The following PRKG1 variants were observed in gnomAD, a reference collection of about 807,000 sequenced individuals.
PRKG1 encodes the protein protein kinase cGMP-dependent 1, also known as cGMP-dependent protein kinase 1.
Under a neutral mutation model 88.1 loss-of-function variants are expected in PRKG1, and 35 were observed. That is an observed-to-expected ratio of 0.40 (90% CI 0.30 to 0.53). The LOEUF is 0.53. PRKG1 is among the 20% of genes least tolerant of loss of function. The pLI is 0.59. For synonymous variants in PRKG1, 303 were observed against 292.5 expected (o/e 1.04, Z -0.37); for missense variants, 540 against 839.8 (o/e 0.64, Z 4.41).
chr10:51,234,715 C>A (rs1461436683), intron 2 of PRKG1, among the ~76,000 whole-genome samples: 1 of 152,066 alleles, frequency 6.6e-6, no homozygotes, highest in Non-Finnish European at 1.5e-5. Flanking sequence ...TATTTTGCAT[C>A]CTTTTTTTGT....
intron 4 of PRKG1, among the ~76,000 whole-genome samples, chr10:51,885,886 C>T (rs1423456985): frequency 6.6e-6 from 1 of 152,160 alleles, no homozygotes; most frequent in African/African-American, 2.4e-5. Flanking sequence ...TTATCTATTA[C>T]TTATGCATTC....
intron 2 of PRKG1, among the ~76,000 whole-genome samples, chr10:51,438,584 A>T (rs950493511): frequency 6.6e-6 from 1 of 151,896 alleles, no homozygotes; most frequent in South Asian, 2.1e-4. Context: ...TTATTTTTGA[A>T]GAGAGACCAC....
chr10:52,009,808 T>C (rs973686580), intron 5 of PRKG1, among the ~76,000 whole-genome samples: 2 of 152,164 alleles, frequency 1.3e-5, no homozygotes, highest in Admixed American at 1.3e-4. Flanking sequence ...AGCATAGTAC[T>C]GGTTCATAAA....
At chr10:51,460,993 A>G (rs293290) in intron 2 of PRKG1, among the ~76,000 whole-genome samples, 84,442 of 151,982 alleles carry the variant, frequency 0.56, 24,824 homozygotes, top group African/African-American at 0.74. Flanking sequence ...TGATAAGTAT[A>G]TTGACTCTTT....
chr10:51,206,001 A>G (rs947852615), intron 2 of PRKG1, among the ~76,000 whole-genome samples: 1 of 152,152 alleles, frequency 6.6e-6, no homozygotes, highest in African/African-American at 2.4e-5. Context: ...TCTGCCTGTA[A>G]TGAAATTACA....
At chr10:51,826,420 A>G (rs1839883077) in intron 4 of PRKG1, among the ~76,000 whole-genome samples, 1 of 152,192 alleles carries the variant, frequency 6.6e-6, no homozygotes, top group Non-Finnish European at 1.5e-5. Flanking sequence ...AGAATCTTTC[A>G]CTTAAATGTA....
chr10:51,058,975 C>T (rs190066026), intron 1 of PRKG1, among the ~76,000 whole-genome samples: 15 of 152,222 alleles, frequency 9.9e-5, no homozygotes, highest in Non-Finnish European at 1.5e-4. Context: ...AGGTTTATTT[C>T]GGAGCTCTCC....
chr10:51,281,925 C>T (rs1240491187), intron 2 of PRKG1, among the ~76,000 whole-genome samples: 2 of 152,210 alleles, frequency 1.3e-5, no homozygotes, highest in Non-Finnish European at 1.5e-5. Flanking sequence ...CTGAGCCCAT[C>T]TCAGACTAAT....
intron 3 of PRKG1, among the ~76,000 whole-genome samples, chr10:51,597,590 GTT>G (rs1216663851): frequency 1.3e-5 from 2 of 152,052 alleles, no homozygotes; most frequent in Non-Finnish European, 2.9e-5. Context: ...TCATTTGTCA[GTT>G]TTTCCAGTGA....
chr10:51,138,675 G>GTTTTTTTTTTTT (rs71459405), intron 1 of PRKG1, among the ~76,000 whole-genome samples: 2 of 68,532 alleles, frequency 2.9e-5, no homozygotes, highest in African/African-American at 5.7e-5. Flanking sequence ...ATTGAGTTTT[G>GTTTTTTTTTTTT]TTTTTTTTTT....
chr10:52,191,248 G>C (rs1368199504), intron 9 of PRKG1, among the ~76,000 whole-genome samples: 2 of 152,048 alleles, frequency 1.3e-5, no homozygotes, highest in African/African-American at 4.8e-5. Context: ...GACCTACTGG[G>C]CTCAAGGTAT....
chr10:52,000,819 T>C (rs1210048556), intron 5 of PRKG1, among the ~76,000 whole-genome samples: 3 of 152,094 alleles, frequency 2.0e-5, no homozygotes, highest in African/African-American at 4.8e-5. Flanking sequence ...AAATGAAATT[T>C]GTCTTCCAGC....
Position 52,293,945 on chromosome 10 carries a change from C to G in PRKG1, c.*45C>G, listed in dbSNP as rs1418610239. The stretch of plus-strand genomic sequence containing the variant: ...TCTGCCTTGCTGAAGACAGCTTTTT[C>G]TGAGACACAGCTGCCAGCAAACCTG... On this transcript the variant is annotated 3_prime_UTR_variant, in exon 18 of 18. Coordinates refer to ENST00000373980, the MANE Select transcript of PRKG1 (RefSeq NM_006258.4). The G allele has an allele frequency of 6.6e-7, 1 of 1,507,794 alleles. No individual in the cohort carries two copies. The highest frequency in any genetic ancestry group is 1.2e-5 in the South Asian group (1 of 86,930). The allele number at this position is 1,507,794 out of a possible 1,614,324, so 93.4% of individuals were successfully genotyped here. A position where few individuals can be genotyped will look rare whatever the true frequency, so the allele number is the denominator to read the frequency against.
At chr10:51,761,174 A>G (rs1239923408) in intron 3 of PRKG1, among the ~76,000 whole-genome samples, 2 of 152,330 alleles carry the variant, frequency 1.3e-5, no homozygotes, top group Middle Eastern at 6.8e-3. Flanking sequence ...TCTTTGTTAA[A>G]GTATTTGCTT....
chr10:52,202,239 G>A (rs188953348), intron 9 of PRKG1, among the ~76,000 whole-genome samples: 1 of 151,908 alleles, frequency 6.6e-6, no homozygotes, highest in Non-Finnish European at 1.5e-5. Flanking sequence ...GTTTGTCAAG[G>A]GTTTTTAACA....
At chr10:51,752,973 G>A (rs530057428) in intron 3 of PRKG1, among the ~76,000 whole-genome samples, 13 of 152,056 alleles carry the variant, frequency 8.5e-5, no homozygotes, top group Admixed American at 4.6e-4. Flanking sequence ...ATGTATTGCT[G>A]TAAAACACTA....
At chr10:51,890,291 C>T (rs569813706) in intron 4 of PRKG1, among the ~76,000 whole-genome samples, 3 of 152,192 alleles carry the variant, frequency 2.0e-5, no homozygotes, top group African/African-American at 4.8e-5. Context: ...CCTCCTATTT[C>T]TACCTAAATA....
intron 7 of PRKG1, among the ~76,000 whole-genome samples, chr10:52,112,982 A>G (rs1027134616): frequency 6.6e-6 from 1 of 152,186 alleles, no homozygotes; most frequent in Admixed American, 6.5e-5. Flanking sequence ...ATTTGCATCC[A>G]TGCTGTGTGC....
At chr10:51,370,376 C>T (rs977612315) in intron 2 of PRKG1, among the ~76,000 whole-genome samples, 1 of 151,718 alleles carries the variant, frequency 6.6e-6, no homozygotes, top group Non-Finnish European at 1.5e-5. Flanking sequence ...TTTTTCCTAG[C>T]GGGATGAGAG....
Sources: allele counts gnomAD v4.1 joint callset (sites outside exome capture counted in the v4.1 genomes callset), GRCh38; gene constraint gnomAD v4.1.1; transcripts MANE v1.5; gene names NCBI Gene and HGNC (gene_info 2026-07-23, HGNC 2026-07-21).